PROM1: variants seen among roughly 807,000 people sequenced by gnomAD.
The protein encoded by PROM1 is prominin 1.
A neutral mutation model predicts 116.9 loss-of-function variants in PROM1; 105 were observed. The observed-to-expected ratio is 0.90, with a 90% CI of 0.77 to 1.06. The LOEUF (loss-of-function observed/expected upper bound fraction) is 1.06, where lower values mean the gene tolerates loss of function less well. Ranked by LOEUF, PROM1 falls within the 50% of genes least tolerant of loss-of-function variation. The pLI is 0.00. For missense variants in PROM1, 1,122 were observed against 1,045.2 expected (o/e 1.07, Z -1.01); for synonymous variants, 393 against 387.0 (o/e 1.02, Z -0.18).
At chr4:16,078,591 G>T (rs1744429279) in intron 1 of PROM1, among the ~76,000 whole-genome samples, 1 of 152,226 alleles carries the variant, frequency 6.6e-6, no homozygotes, top group African/African-American at 2.4e-5. Flanking sequence ...GTGTCCTGGA[G>T]CAAGAGCAAG....
At chr4:15,980,619 T>A (rs1406913981) in intron 23 of PROM1, 82 bp from the exon 24 acceptor site, 3 of 916,372 alleles carry the variant, frequency 3.3e-6, no homozygotes, top group Non-Finnish European at 3.3e-6. Flanking sequence ...TTTTTTTTTT[T>A]TTTTTTTTTT....
At chr4:16,034,764 A>C (rs1256353562) in intron 4 of PROM1, among the ~76,000 whole-genome samples, 1 of 152,230 alleles carries the variant, frequency 6.6e-6, no homozygotes, top group African/African-American at 2.4e-5. Context: ...GGAAAATAAA[A>C]CACGAGTCTT....
intron 23 of PROM1, among the ~76,000 whole-genome samples, chr4:15,984,047 G>A (rs1311873608): frequency 6.6e-6 from 1 of 152,172 alleles, no homozygotes; most frequent in Admixed American, 6.5e-5. Context: ...CAGGTCTCCT[G>A]ACTCATAAAT....
chr4:16,029,954 T>G (rs1481028137), intron 5 of PROM1, among the ~76,000 whole-genome samples: 2 of 152,218 alleles, frequency 1.3e-5, no homozygotes, highest in African/African-American at 4.8e-5. Context: ...CCTTTCTGCC[T>G]TCCAATTTTG....
At chr4:16,028,901 G>A (rs1031189086) in intron 5 of PROM1, among the ~76,000 whole-genome samples, 1 of 151,976 alleles carries the variant, frequency 6.6e-6, no homozygotes, top group Non-Finnish European at 1.5e-5. Flanking sequence ...TTTTATTATG[G>A]AAAAAACAAT....
chr4:16,052,884 C>T (rs1486730537), intron 2 of PROM1, among the ~76,000 whole-genome samples: 1 of 152,168 alleles, frequency 6.6e-6, no homozygotes, highest in African/African-American at 2.4e-5. Context: ...GAAGACACTA[C>T]CTTACCCACA....
chr4:16,070,002 C>G (rs934107409), intron 2 of PROM1, among the ~76,000 whole-genome samples: 1 of 152,314 alleles, frequency 6.6e-6, no homozygotes, highest in South Asian at 2.1e-4. Flanking sequence ...GGGTAAGACT[C>G]AGCTACTTGT....
At chr4:16,065,552 T>C (rs912231764) in intron 2 of PROM1, among the ~76,000 whole-genome samples, 4 of 152,164 alleles carry the variant, frequency 2.6e-5, no homozygotes, top group Non-Finnish European at 5.9e-5. Context: ...CAGCTGAATG[T>C]CAGCTTTTTG....
chr4:16,076,225 TA>T, intron 1 of PROM1, 107 bp from the exon 2 acceptor site: 1 of 274,992 alleles, frequency 3.6e-6, no homozygotes, highest in Non-Finnish European at 6.8e-6. Flanking sequence ...GCCTCCAGCC[TA>T]ATCCGGATGG....
intron 5 of PROM1, among the ~76,000 whole-genome samples, chr4:16,029,738 G>C (rs1187509625): frequency 6.6e-6 from 1 of 152,148 alleles, no homozygotes; most frequent in African/African-American, 2.4e-5. Flanking sequence ...GCATTTAATT[G>C]TAATATTTTG....
intron 3 of PROM1, 43 bp downstream of exon 3, chr4:16,038,903 A>G: frequency 6.9e-7 from 1 of 1,439,216 alleles, no homozygotes; most frequent in Non-Finnish European, 9.2e-7. Flanking sequence ...AATTTTTCTC[A>G]TACTTCGTAT....
At chr4:16,009,767 C>T (rs1351433978) in intron 11 of PROM1, among the ~76,000 whole-genome samples, 1 of 151,746 alleles carries the variant, frequency 6.6e-6, no homozygotes, top group African/African-American at 2.4e-5. Flanking sequence ...TGGCAAAACC[C>T]CATCTCTACT....
intron 9 of PROM1, among the ~76,000 whole-genome samples, chr4:16,017,822 A>G (rs1657892175): frequency 6.7e-6 from 1 of 149,338 alleles, no homozygotes; most frequent in Non-Finnish European, 1.5e-5. Flanking sequence ...ACTCCATCTC[A>G]AAAAAAAAAG....
At chr4:16,070,519 G>C (rs1742568788) in intron 2 of PROM1, among the ~76,000 whole-genome samples, 1 of 152,150 alleles carries the variant, frequency 6.6e-6, no homozygotes, top group Non-Finnish European at 1.5e-5. Flanking sequence ...AGTCCATTTT[G>C]ATTTGGACTG....
At chr4:15,990,283 G>A (rs935415190) in intron 18 of PROM1, among the ~76,000 whole-genome samples, 4 of 152,186 alleles carry the variant, frequency 2.6e-5, no homozygotes, top group East Asian at 1.9e-4. Flanking sequence ...CTCCTATACC[G>A]AGTCAAGACT....
chr4:16,031,699 G>T (rs1334671632), intron 5 of PROM1, among the ~76,000 whole-genome samples: 6 of 152,082 alleles, frequency 3.9e-5, no homozygotes, highest in Non-Finnish European at 8.8e-5. Context: ...AGGCAGAGAT[G>T]CCCACACCCC....
rs550633222 is a variant in PROM1, at chr4:16,006,939, A to G, written c.1302-249T>C. 7.4e-4 allele frequency among the ~76,000 whole-genome samples: 113 copies of G among 152,298 alleles called. 1 individual carries two copies. Among genetic ancestry groups the G allele is most frequent in the African/African-American group, 2.5e-3 (105 of 41,558 alleles). On this transcript the variant is annotated intron_variant, in intron 12 of 27. Coordinates refer to ENST00000447510, the MANE Select transcript of PROM1 (RefSeq NM_006017.3). ...CATTGTTCCTGGTGGTCATGGGATCATTGCCTCCTTCCTTTGCTTTGATTC... is the reference window on the plus strand; with the variant it reads ...CATTGTTCCTGGTGGTCATGGGATCGTTGCCTCCTTCCTTTGCTTTGATTC...
In PROM1 at chr4:16,018,543, A is replaced by G. The variant is rs1729013719; in HGVS notation, c.785-3T>C. 1 of 1,600,356 alleles carries G rather than the reference A, an allele frequency of 6.2e-7. No individual in the cohort carries two copies. The highest frequency in any genetic ancestry group is 8.5e-7 in the Non-Finnish European group (1 of 1,173,610). On this transcript the variant is annotated splice_polypyrimidine_tract_variant and splice_region_variant and intron_variant, in intron 8 of 27. Coordinates refer to ENST00000447510, the MANE Select transcript of PROM1 (RefSeq NM_006017.3). ...CGCCTCTTTGGTCTCCTTGATCGCTATGGAAACACAGCCCGCTTCAGAACA... is the reference window on the plus strand; with the variant it reads ...CGCCTCTTTGGTCTCCTTGATCGCTGTGGAAACACAGCCCGCTTCAGAACA...
intron 1 of PROM1, chr4:16,079,868 CT>C (rs1744671982): frequency 6.6e-6 from 1 of 151,864 alleles, no homozygotes; most frequent in East Asian, 1.9e-4. Context: ...CCCAAATGCC[CT>C]TTTCATATTG....
Sources: gnomAD v4.1 joint callset for allele counts (sites outside exome capture counted in the v4.1 genomes callset) on GRCh38, gnomAD v4.1.1 for gene constraint, MANE v1.5 for transcripts, NCBI Gene and HGNC (gene_info 2026-07-23, HGNC 2026-07-21) for gene names.